Variants in SMOC2 observed in about 807,000 individuals in gnomAD.
SMOC2 encodes the protein SPARC-related modular calcium-binding protein 2.
A neutral mutation model predicts 61.4 loss-of-function variants in SMOC2; 39 were observed. The ratio of observed to expected loss-of-function variants is 0.64; its 90% CI spans 0.49 to 0.83. The LOEUF is 0.83. Ranked by LOEUF, SMOC2 falls within the 40% of genes least tolerant of loss-of-function variation. The pLI is 0.00. For synonymous variants in SMOC2, 247 were observed against 239.9 expected, an observed-to-expected ratio of 1.03 and a Z score of -0.27; for missense variants, 556 against 592.9, an observed-to-expected ratio of 0.94 and a Z score of 0.65.
At chr6:168,623,533 AC>A (rs1786303203) in intron 9 of SMOC2, among the ~76,000 whole-genome samples, 1 of 151,738 alleles carries the variant, frequency 6.6e-6, no homozygotes, top group South Asian at 2.1e-4. Context: ...ACAGGGTTTC[AC>A]CATGTTGGCT....
chr6:168,539,450 G>T (rs117585227), intron 4 of SMOC2, among the ~76,000 whole-genome samples: 1 of 152,216 alleles, frequency 6.6e-6, no homozygotes, highest in East Asian at 1.9e-4. Context: ...ACCACCCCTT[G>T]GTCCGTTCAT....
At chr6:168,574,711 C>T (rs1322323785) in intron 7 of SMOC2, among the ~76,000 whole-genome samples, 3 of 152,060 alleles carry the variant, frequency 2.0e-5, no homozygotes, top group Non-Finnish European at 4.4e-5. Flanking sequence ...GCAGACCCAT[C>T]CCGAACTGCC....
chr6:168,494,238 T>C (rs918393171), intron 1 of SMOC2, among the ~76,000 whole-genome samples: 2 of 152,244 alleles, frequency 1.3e-5, no homozygotes, highest in Admixed American at 6.5e-5. Context: ...TTCTACACAC[T>C]GTGAGTGCAA....
In SMOC2 at chr6:168,649,009, G is replaced by A. The variant is rs1042043236; in HGVS notation, c.908-1672G>A. 8.5e-5 allele frequency among the ~76,000 whole-genome samples: 13 copies of A among 152,190 alleles called. No homozygotes were observed. The East Asian group carries it at 1.4e-3, about 16-fold the overall frequency. On this transcript the variant is annotated intron_variant, in intron 9 of 12. Coordinates refer to ENST00000356284, the MANE Select transcript of SMOC2 (RefSeq NM_001166412.2). ...ACGCCAACGTGCCCTCGACCCAGGG[G>A]TCTGAGAATCACGTGTGGCACTGCC...
intron 9 of SMOC2, among the ~76,000 whole-genome samples, chr6:168,629,274 G>A (rs753397538): frequency 7.9e-5 from 12 of 152,310 alleles, no homozygotes; most frequent in African/African-American, 2.4e-4. Context: ...GGTCCTCATC[G>A]CCCCCAAGTG....
chr6:168,614,423 A>G (rs1785991992), intron 9 of SMOC2, among the ~76,000 whole-genome samples: 2 of 86,960 alleles, frequency 2.3e-5, no homozygotes, highest in Non-Finnish European at 4.6e-5. Flanking sequence ...ACCTACAGCC[A>G]GCACAGGGCC....
chr6:168,512,201 C>A (rs186989740), intron 2 of SMOC2, among the ~76,000 whole-genome samples: 2 of 152,156 alleles, frequency 1.3e-5, no homozygotes, highest in African/African-American at 4.8e-5. Context: ...TGCTGGATCC[C>A]GGAATTTGCA....
At chr6:168,526,536 G>A (rs1372384694) in intron 3 of SMOC2, 84 bp downstream of exon 3, 37 of 1,084,822 alleles carry the variant, frequency 3.4e-5, no homozygotes, top group Middle Eastern at 2.7e-4. Flanking sequence ...GGCAGGTGGG[G>A]GGAGCCGAAC....
At chr6:168,660,117 C>G (rs9364171) in intron 11 of SMOC2, among the ~76,000 whole-genome samples, 5,174 of 149,104 alleles carry the variant, frequency 0.035, 175 homozygotes, top group East Asian at 0.21. Flanking sequence ...AGGGCAGCCT[C>G]TTCAGCCTCT....
chr6:168,495,310 C>T lies in SMOC2; in HGVS notation c.85-14605C>T, dbSNP rs530855849. On this transcript the variant is annotated intron_variant, in intron 1 of 12. Transcript: ENST00000356284. ...AACTGAGGCCCTGTGGAAAGCCCAC[C>T]GTGGCAGGTGGATCTTCTTCACTTC... Among the ~76,000 whole-genome samples, 7 of 152,306 alleles carry T rather than the reference C, an allele frequency of 4.6e-5. No homozygotes were observed. The East Asian group carries it at 1.2e-3, about 25-fold the overall frequency.
At chr6:168,644,422 T>A (rs567368094) in intron 9 of SMOC2, among the ~76,000 whole-genome samples, 1 of 152,284 alleles carries the variant, frequency 6.6e-6, no homozygotes, top group African/African-American at 2.4e-5. Flanking sequence ...CAGGTGCTGT[T>A]ATTGGCACCC....
At chr6:168,591,766 A>C (rs772492995) in intron 7 of SMOC2, among the ~76,000 whole-genome samples, 6 of 151,846 alleles carry the variant, frequency 4.0e-5, no homozygotes, top group Admixed American at 1.3e-4. Context: ...TTTATACATT[A>C]ACTCCTCAAA....
chr6:168,605,393 G>C (rs1198473870), intron 8 of SMOC2, among the ~76,000 whole-genome samples: 2 of 152,118 alleles, frequency 1.3e-5, no homozygotes, highest in Non-Finnish European at 2.9e-5. Flanking sequence ...AGAGACGTTT[G>C]TGTTTTTCCT....
chr6:168,663,383 A>G (rs975039432), intron 11 of SMOC2, among the ~76,000 whole-genome samples: 2 of 152,170 alleles, frequency 1.3e-5, no homozygotes, highest in African/African-American at 2.4e-5. Context: ...ATCTCTCCTG[A>G]TTTTAATATA....
At position 168,441,305 on chromosome 6, in the gene SMOC2, C is replaced by G; in HGVS notation, c.-66C>G. On this transcript the variant is annotated 5_prime_UTR_variant, in exon 1 of 13. Coordinates refer to ENST00000356284, the MANE Select transcript of SMOC2 (RefSeq NM_001166412.2). ...CGCCCAGCCGCGCTCGCCCACTGGG[C>G]TCTCCCGGCTGCAGTGCCAGGGCGC... 2.0e-6 allele frequency: 3 copies of G among 1,468,320 alleles called. No individual in the cohort carries two copies. The highest frequency in any genetic ancestry group is 1.3e-5 in the South Asian group (1 of 75,646). The allele number at this position is 1,468,320 out of a possible 1,614,324, so 91.0% of individuals were successfully genotyped here.
At chr6:168,648,866 C>A (rs1410928350) in intron 9 of SMOC2, among the ~76,000 whole-genome samples, 5 of 152,142 alleles carry the variant, frequency 3.3e-5, no homozygotes, top group Admixed American at 3.3e-4. Flanking sequence ...AAAAAGAAAC[C>A]TAGGAAAACC....
At chr6:168,580,084 G>C (rs9456214) in intron 7 of SMOC2, among the ~76,000 whole-genome samples, 2,864 of 152,022 alleles carry the variant, frequency 0.019, 105 homozygotes, top group African/African-American at 0.065. Context: ...TCTTTGTCAC[G>C]GCTTAAGACG....
intron 1 of SMOC2, among the ~76,000 whole-genome samples, chr6:168,458,675 C>A (rs1008618352): frequency 1.3e-5 from 2 of 152,130 alleles, no homozygotes; most frequent in Non-Finnish European, 2.9e-5. Context: ...GGGCCGTCTT[C>A]CTGCTCGAGA....
chr6:168,665,933 T>C (rs185618281), intron 12 of SMOC2, among the ~76,000 whole-genome samples: 2 of 152,096 alleles, frequency 1.3e-5, no homozygotes, highest in Admixed American at 1.3e-4. Flanking sequence ...TAAATTACTT[T>C]TAATTGAAAG....
Sources: allele counts gnomAD v4.1 joint callset (sites outside exome capture counted in the v4.1 genomes callset), GRCh38; gene constraint gnomAD v4.1.1; transcripts MANE v1.5; gene names NCBI Gene and HGNC (gene_info 2026-07-23, HGNC 2026-07-21).